The following ROS1 variants were observed in gnomAD, a reference collection of about 807,000 sequenced individuals.
ROS1 encodes the protein ROS proto-oncogene 1, receptor tyrosine kinase, also known as proto-oncogene tyrosine-protein kinase ROS.
ROS1 carries 263 observed loss-of-function variants against 273.5 expected under a neutral mutation model. The observed-to-expected ratio is 0.96, with a 90% confidence interval of 0.87 to 1.06. The LOEUF (loss-of-function observed/expected upper bound fraction) is 1.06, where lower values mean the gene tolerates loss of function less well. Ranked by LOEUF, ROS1 falls within the 50% of genes least tolerant of loss-of-function variation. ROS1 has a pLI of 0.00. For missense variants in ROS1, 2,833 were observed against 2,751.1 expected, an observed-to-expected ratio of 1.03 and a Z score of -0.67; for synonymous variants, 1,008 against 954.1, an observed-to-expected ratio of 1.06 and a Z score of -1.04.
chr6:117,307,086 T>A (rs1337860823), intron 42 of ROS1, among the ~76,000 whole-genome samples: 1 of 152,190 alleles, frequency 6.6e-6, no homozygotes, highest in Non-Finnish European at 1.5e-5. Flanking sequence ...TAATCAGGAA[T>A]ACTTTTCTAG....
Position 117,353,101 on chromosome 6 carries a change from T to C in ROS1, c.4192A>G (p.Ser1398Gly). Residue 1398 changes from serine to glycine, a missense_variant, in exon 27 of 44, where the codon AGC becomes GGC. By Grantham distance (56) the Ser-to-Gly change is moderately conservative. Transcript: ENST00000368507. ...LIYWIITAKD[S>G]TQIYQAKKGN... ...TTCTTTGCCTGATAAATCTGTGTGCTGTCCTTTGCTGTGATGATCCAGTAT... is the reference window on the plus strand; with the variant it reads ...TTCTTTGCCTGATAAATCTGTGTGCCGTCCTTTGCTGTGATGATCCAGTAT... The C allele has an allele frequency of 6.2e-7, 1 of 1,614,120 alleles. No individual in the cohort carries two copies. The highest frequency in any genetic ancestry group is 8.5e-7 in the Non-Finnish European group (1 of 1,179,958).
rs1234046481 is a variant in ROS1, at chr6:117,393,339, A to T, written c.1192-18T>A. 4.2e-6 allele frequency: 6 copies of T among 1,444,982 alleles called. No individual in the cohort carries two copies. The highest frequency in any genetic ancestry group is 3.9e-6 in the Non-Finnish European group (4 of 1,028,644). The allele number at this position is 1,444,982 out of a possible 1,614,324, so 89.5% of individuals were successfully genotyped here. On this transcript the variant is annotated intron_variant, in intron 11 of 43. Transcript: ENST00000368507. ...ACACATACCTAAAAAAATAAAAAATATACCGGTAGGATTAGCATCTGTCTA... is the reference window on the plus strand; with the variant it reads ...ACACATACCTAAAAAAATAAAAAATTTACCGGTAGGATTAGCATCTGTCTA...
intron 27 of ROS1, among the ~76,000 whole-genome samples, chr6:117,349,118 T>C (rs895086701): frequency 6.6e-6 from 1 of 151,992 alleles, no homozygotes; most frequent in African/African-American, 2.4e-5. Context: ...ATTGAGTTCA[T>C]CAGTATATCC....
chr6:117,350,203 G>A (rs1000563688), intron 27 of ROS1, among the ~76,000 whole-genome samples: 1 of 151,842 alleles, frequency 6.6e-6, no homozygotes, highest in Non-Finnish European at 1.5e-5. Flanking sequence ...CTCAATTTTT[G>A]TCTGAGAATG....
chr6:117,418,804 A>C (rs957036703), intron 1 of ROS1, among the ~76,000 whole-genome samples: 8 of 152,202 alleles, frequency 5.3e-5, no homozygotes, highest in Non-Finnish European at 1.2e-4. Context: ...TTGGTCAGTT[A>C]ATCAAGTCAA....
At chr6:117,381,791 A>AT (rs1266169968) in intron 17 of ROS1, among the ~76,000 whole-genome samples, 3 of 152,116 alleles carry the variant, frequency 2.0e-5, no homozygotes, top group Admixed American at 2.0e-4. Flanking sequence ...CGAATGATAG[A>AT]AATACTATTA....
rs769052739 is a variant in ROS1, at chr6:117,356,816, T to C, written c.3939A>G (p.Thr1313=). The C allele has an allele frequency of 6.2e-7, 1 of 1,614,180 alleles. No individual in the cohort carries two copies. The change falls in exon 26 of 44, where the codon ACA becomes ACG. Residue 1313 remains threonine, a synonymous_variant. Transcript: ENST00000368507. The part of the protein sequence containing the change: ...TLHRILQPTA[T]NQQNKRNQCS... Reference sequence around the variant, plus strand: ...ATTGATTCCTTTTGTTTTGTTGGTTTGTAGCTGTGGGTTGCAGAATTCGGT... The same window carrying C: ...ATTGATTCCTTTTGTTTTGTTGGTTCGTAGCTGTGGGTTGCAGAATTCGGT...
At chr6:117,312,184 C>T (rs1009468653) in intron 39 of ROS1, among the ~76,000 whole-genome samples, 1 of 152,080 alleles carries the variant, frequency 6.6e-6, no homozygotes, top group African/African-American at 2.4e-5. Context: ...CTTCTTTATT[C>T]CTGCTATCAT....
chr6:117,425,508 G>A (rs758395800), intron 1 of ROS1, 26 bp downstream of exon 1: 2 of 1,562,032 alleles, frequency 1.3e-6, no homozygotes, highest in Admixed American at 2.1e-5. Flanking sequence ...TTCCTGCAAA[G>A]ACAAATATTA....
At chr6:117,354,885 GGTTTTTATAGCCAA>G in intron 26 of ROS1, among the ~76,000 whole-genome samples, 1 of 152,266 alleles carries the variant, frequency 6.6e-6, no homozygotes, top group East Asian at 1.9e-4. Flanking sequence ...AGACAGTTGG[GGTTTTTATAGCCAA>G]GAAACTGAGT....
intron 21 of ROS1, among the ~76,000 whole-genome samples, chr6:117,363,488 AT>A (rs1377514840): frequency 1.3e-5 from 2 of 152,168 alleles, no homozygotes; most frequent in Non-Finnish European, 2.9e-5. Context: ...TTTCTAAGTC[AT>A]TCTCTCTGGA....
At chr6:117,385,016 A>C (rs559541962) in intron 16 of ROS1, among the ~76,000 whole-genome samples, 2 of 152,194 alleles carry the variant, frequency 1.3e-5, no homozygotes, top group East Asian at 3.9e-4. Context: ...ATGTCTTCGC[A>C]CACTTGTAAA....
chr6:117,353,712 A>G (rs995589920), intron 26 of ROS1, among the ~76,000 whole-genome samples: 7 of 152,246 alleles, frequency 4.6e-5, no homozygotes, highest in African/African-American at 1.4e-4. Context: ...CAAATTTGAT[A>G]CGAACAAATG....
rs1337321469 is a variant in ROS1, at chr6:117,317,192, A to T, written c.6068T>A (p.Met2023Lys). Residue 2023 changes from methionine to lysine, a missense_variant, in exon 39 of 44, where the codon ATG becomes AAG. Met to Lys is a moderately conservative substitution (Grantham distance 95). Transcript: ENST00000368507. ...ATAAGTAAGAAGGTCTCCTCCCTCC[A>T]TCAGTTCCAGGATAATGTATTGGGG... ...NEPQYIILEL[M>K]EGGDLLTYLR... 2 of 1,613,448 alleles carry T rather than the reference A, an allele frequency of 1.2e-6. No individual in the cohort carries two copies. Among genetic ancestry groups the T allele is most frequent in the South Asian group, 1.1e-5 (1 of 91,026 alleles).
chr6:117,355,718 T>C (rs1048816891), intron 26 of ROS1, among the ~76,000 whole-genome samples: 5 of 151,996 alleles, frequency 3.3e-5, no homozygotes, highest in African/African-American at 4.8e-5. Flanking sequence ...CAAGTGAGTC[T>C]TCCTGTCTCA....
Position 117,425,523 on chromosome 6 carries a change from G to T in ROS1, c.123+11C>A. The T allele has an allele frequency of 6.3e-7, 1 of 1,579,588 alleles. No individual in the cohort carries two copies. The highest frequency in any genetic ancestry group is 8.6e-7 in the Non-Finnish European group (1 of 1,168,326). On this transcript the variant is annotated intron_variant, in intron 1 of 43. Coordinates refer to ENST00000368507, the MANE Select transcript of ROS1 (RefSeq NM_001378902.1). ...TTCCTGCAAAGACAAATATTAGATT[G>T]TGAGACTTACCAGATTAGTTACACA... is the stretch of plus-strand genomic sequence containing the variant.
intron 32 of ROS1, among the ~76,000 whole-genome samples, chr6:117,335,481 A>G (rs988416922): frequency 1.3e-5 from 2 of 152,184 alleles, no homozygotes; most frequent in Admixed American, 6.5e-5. Flanking sequence ...CAGTAATCTC[A>G]TTATTGAGTA....
chr6:117,355,611 T>C (rs1490197848), intron 26 of ROS1, among the ~76,000 whole-genome samples: 1 of 151,750 alleles, frequency 6.6e-6, no homozygotes, highest in Non-Finnish European at 1.5e-5. Context: ...TTTTATTTAA[T>C]TTTAGTTTTT....
intron 25 of ROS1, among the ~76,000 whole-genome samples, 183 bp from the exon 26 acceptor site, chr6:117,357,098 T>G (rs148085618): frequency 7.7e-4 from 117 of 152,352 alleles, no homozygotes; most frequent in Non-Finnish European, 1.2e-3. Flanking sequence ...AAGTCTAACT[T>G]GTAGCATTTC....
Sources: allele counts gnomAD v4.1 joint callset (sites outside exome capture counted in the v4.1 genomes callset), GRCh38; gene constraint gnomAD v4.1.1; transcripts MANE v1.5; gene names NCBI Gene and HGNC (gene_info 2026-07-23, HGNC 2026-07-21).